The following SFRP4 variants were observed in gnomAD, a reference collection of about 807,000 sequenced individuals.
SFRP4 encodes the protein secreted frizzled related protein 4, also known as secreted frizzled-related protein 4.
Under a neutral mutation model 36.3 loss-of-function variants are expected in SFRP4, and 25 were observed. The ratio of observed to expected loss-of-function variants is 0.69; its 90% CI spans 0.50 to 0.96. The LOEUF is 0.96. Among genes scored for constraint, SFRP4 ranks in the 40% least tolerant of loss-of-function variants. The probability of loss-of-function intolerance (pLI) is 0.00; values close to 1 mark genes in which losing one functional copy is unlikely to be tolerated. For synonymous variants in SFRP4, 182 were observed against 168.8 expected (o/e 1.08, Z -0.60); for missense variants, 487 against 459.6 (o/e 1.06, Z -0.54).
intron 4 of SFRP4, among the ~76,000 whole-genome samples, chr7:37,911,543 T>G (rs1044473727): frequency 5.3e-5 from 8 of 152,164 alleles, no homozygotes; most frequent in African/African-American, 1.9e-4. Flanking sequence ...AGCTAGAATT[T>G]GTGTGTATGT....
Position 37,916,078 on chromosome 7 carries a change from T to C in SFRP4, c.445+15A>G, listed in dbSNP as rs1785570224. 6.2e-7 allele frequency: 1 copy of C among 1,601,554 alleles called. No homozygotes were observed. The highest frequency in any genetic ancestry group is 8.5e-7 in the Non-Finnish European group (1 of 1,170,824). ...GGCGCCTCCTCGCCTCCCTCCATCC[T>C]TCCTACGGCCTCACCCTCCGGGAGG... is the stretch of plus-strand genomic sequence containing the variant. On this transcript the variant is annotated intron_variant, in intron 1 of 5. Transcript: ENST00000436072. This position sits in a 1 kb window ranked among gnomAD's most constrained non-coding sequence, Gnocchi z 4.1.
chr7:37,910,578 ACTTTT>A (rs1436264440), intron 4 of SFRP4, among the ~76,000 whole-genome samples: 2 of 152,030 alleles, frequency 1.3e-5, no homozygotes, highest in African/African-American at 2.4e-5. Flanking sequence ...TTTACAAATT[ACTTTT>A]CTTTTCAGAT....
At chr7:37,914,309 A>C (rs767220408) in intron 2 of SFRP4, 31 bp from the exon 3 acceptor site, 9 of 1,613,440 alleles carry the variant, frequency 5.6e-6, no homozygotes, top group Admixed American at 1.7e-5. Context: ...AGAAAGTTGG[A>C]AAAAGAACAG....
At chr7:37,912,621 T>C (rs1785513721) in intron 3 of SFRP4, among the ~76,000 whole-genome samples, 1 of 152,268 alleles carries the variant, frequency 6.6e-6, no homozygotes, top group South Asian at 2.1e-4. Flanking sequence ...CATATATTTG[T>C]ATTCTTCCTT....
At chr7:37,912,439 A>C (rs1785509443) in intron 3 of SFRP4, 122 bp from the exon 4 acceptor site, 1 of 770,042 alleles carries the variant, frequency 1.3e-6, no homozygotes, top group Non-Finnish European at 2.1e-6. Context: ...GGTTATGTCC[A>C]AGTGGCCTGA....
chr7:37,907,290 G>A lies in SFRP4; in HGVS notation c.*189C>T, dbSNP rs1785410839. ...TACCAAAGGGCAAACCTACCACTATGGCTTGTGATGGCTTACAAAGAAAAA... is the reference window on the plus strand; with the variant it reads ...TACCAAAGGGCAAACCTACCACTATAGCTTGTGATGGCTTACAAAGAAAAA... On this transcript the variant is annotated 3_prime_UTR_variant, in exon 6 of 6. Transcript: ENST00000436072. 1.9e-6 allele frequency: 1 copy of A among 523,582 alleles called. No homozygotes were observed. The highest frequency in any genetic ancestry group is 3.3e-6 in the Non-Finnish European group (1 of 298,564). The allele number at this position is 523,582 out of a possible 1,614,324, so 32.4% of individuals were successfully genotyped here. A position where few individuals can be genotyped will look rare whatever the true frequency, so the allele number is the denominator to read the frequency against.
chr7:37,912,085 G>A (rs1785497150), intron 4 of SFRP4, 34 bp downstream of exon 4: 1 of 1,510,886 alleles, frequency 6.6e-7, no homozygotes, highest in Non-Finnish European at 9.2e-7. Flanking sequence ...TCCTAACAGT[G>A]TGCATACAGT....
Position 37,912,316 on chromosome 7 carries a change from A to G in SFRP4, c.594T>C (p.Val198=). ...ATYLSKNYSY[V]IHAKIKAVQR... The stretch of plus-strand genomic sequence containing the variant: ...GCACAGCTTTTATTTTGGCATGAAT[A>G]ACTGCAATTTAAAAATAGATAAAAG... Residue 198 remains valine, a splice_region_variant and synonymous_variant, in exon 4 of 6, where the codon GTT becomes GTC. Coordinates refer to ENST00000436072, the MANE Select transcript of SFRP4 (RefSeq NM_003014.4). 6.2e-7 allele frequency: 1 copy of G among 1,612,738 alleles called. No homozygotes were observed. Among genetic ancestry groups the G allele is most frequent in the Non-Finnish European group, 8.5e-7 (1 of 1,178,830 alleles).
chr7:37,916,766 C>T lies in SFRP4; in HGVS notation c.-229G>A. On this transcript the variant is annotated 5_prime_UTR_variant, in exon 1 of 6. Transcript: ENST00000436072. This position sits in a 1 kb window ranked among gnomAD's most constrained non-coding sequence, Gnocchi z 4.1. ...GCGCCAGCTCTCAGCCTTCGGGGCG[C>T]GAACCCGCCCGGGCAGCTCCAGTCC... The T allele has an allele frequency of 3.1e-6, 2 of 639,708 alleles. No homozygotes were observed. The highest frequency in any genetic ancestry group is 2.0e-5 in the South Asian group (1 of 50,458). The allele number at this position is 639,708 out of a possible 1,614,324, so 39.6% of individuals were successfully genotyped here.
chr7:37,916,713 C>T lies in SFRP4; in HGVS notation c.-176G>A, dbSNP rs998980199. 4 of 984,394 alleles carry T rather than the reference C, an allele frequency of 4.1e-6. No individual in the cohort carries two copies. In the African/African-American group the frequency reaches 4.9e-5, roughly 12 times the overall value. 61.0% of individuals were successfully genotyped at this position (984,394 alleles called of 1,614,324 possible). A position where few individuals can be genotyped will look rare whatever the true frequency, so the allele number is the denominator to read the frequency against. ...GGCCGCGGGGTCCGGCCGCGGAGCT[C>T]CGCCGTCTGGCACACAGGGCACGAG... On this transcript the variant is annotated 5_prime_UTR_variant, in exon 1 of 6. Coordinates refer to ENST00000436072, the MANE Select transcript of SFRP4 (RefSeq NM_003014.4). The surrounding 1 kb of genome is among the most constrained non-coding windows in gnomAD (Gnocchi z 4.1).
rs1785418802 is a variant in SFRP4 at position 37,907,628 on chromosome 7, C to G, written c.892G>C (p.Val298Leu). The change falls in exon 6 of 6, where the codon GTT (valine) becomes CTT (leucine). Residue 298 changes from valine to leucine, a missense_variant. By Grantham distance (32) the Val-to-Leu change is conservative. Transcript: ENST00000436072. ...CCGGCTGTTTTCTTCTTGTCCTGAA[C>G]TGTTCTCCGCTGTTCCTGCAGCCTC... ...EERLQEQRRTVQDKKKTAGRT... is the reference protein window; with the variant it reads ...EERLQEQRRTLQDKKKTAGRT... The G allele has an allele frequency of 3.1e-6, 5 of 1,611,822 alleles. No individual in the cohort carries two copies. The South Asian group carries it at 5.5e-5, about 18-fold the overall frequency.
chr7:37,907,382 G>T lies in SFRP4; in HGVS notation c.*97C>A. The T allele has an allele frequency of 1.0e-6, 1 of 1,003,936 alleles. No individual in the cohort carries two copies. Among genetic ancestry groups the T allele is most frequent in the Non-Finnish European group, 1.5e-6 (1 of 671,952 alleles). 62.2% of individuals were successfully genotyped at this position (1,003,936 alleles called of 1,614,324 possible). Reference sequence around the variant, plus strand: ...TGAAGAGCACTGCAGTGAGTTGTTAGGGCAAGGGGCACATGGCCTTACATA... The same window carrying T: ...TGAAGAGCACTGCAGTGAGTTGTTATGGCAAGGGGCACATGGCCTTACATA... On this transcript the variant is annotated 3_prime_UTR_variant, in exon 6 of 6. Transcript: ENST00000436072.
intron 4 of SFRP4, 115 bp from the exon 5 acceptor site, chr7:37,909,795 C>T: frequency 5.6e-6 from 3 of 532,106 alleles, no homozygotes; most frequent in Non-Finnish European, 1.0e-5. Flanking sequence ...CACACATCCA[C>T]CATTTATATT....
chr7:37,910,729 CA>C (rs1436712053), intron 4 of SFRP4, among the ~76,000 whole-genome samples: 1 of 151,994 alleles, frequency 6.6e-6, no homozygotes, highest in African/African-American at 2.4e-5. Context: ...GGAATATTTT[CA>C]ACATTTACCA....
intron 5 of SFRP4, among the ~76,000 whole-genome samples, chr7:37,908,214 C>T (rs1785428947): frequency 6.6e-6 from 1 of 152,212 alleles, no homozygotes; most frequent in East Asian, 1.9e-4. Context: ...AACGTGCTAG[C>T]TATCCAGAAC....
chr7:37,910,865 A>G (rs1363940243), intron 4 of SFRP4, among the ~76,000 whole-genome samples: 1 of 152,196 alleles, frequency 6.6e-6, no homozygotes, highest in African/African-American at 2.4e-5. Flanking sequence ...CTACTATTGC[A>G]TCACATGGTT....
chr7:37,916,024 C>G lies in SFRP4; in HGVS notation c.445+69G>C. ...CCCTGGCAGCCTTAGGTGTGGCCGC[C>G]CAGTTCTCGATTGGCAGCCACAGCC... On this transcript the variant is annotated intron_variant, in intron 1 of 5. Transcript: ENST00000436072. The surrounding 1 kb of genome is among the most constrained non-coding windows in gnomAD (Gnocchi z 4.1). 2 of 1,547,146 alleles carry G rather than the reference C, an allele frequency of 1.3e-6. No homozygotes were observed. Among genetic ancestry groups the G allele is most frequent in the South Asian group, 2.5e-5 (2 of 80,014 alleles).
intron 5 of SFRP4, among the ~76,000 whole-genome samples, chr7:37,908,216 A>C (rs10264106): frequency 0.14 from 21,643 of 152,248 alleles, 1,734 homozygotes; most frequent in Middle Eastern, 0.25. Context: ...CGTGCTAGCT[A>C]TCCAGAACCA....
At chr7:37,911,238 C>T (rs750197414) in intron 4 of SFRP4, among the ~76,000 whole-genome samples, 1 of 152,176 alleles carries the variant, frequency 6.6e-6, no homozygotes, top group Non-Finnish European at 1.5e-5. Flanking sequence ...GGAGGGCACC[C>T]AAGTACTGAT....
Sources: allele counts gnomAD v4.1 joint callset (sites outside exome capture counted in the v4.1 genomes callset), GRCh38; gene constraint gnomAD v4.1.1; non-coding constraint Gnocchi (gnomAD v3.1); transcripts MANE v1.5; gene names NCBI Gene and HGNC (gene_info 2026-07-23, HGNC 2026-07-21).